ADCY10: variants seen among roughly 807,000 people sequenced by gnomAD.
The protein encoded by ADCY10 is adenylate cyclase type 10.
In ADCY10, 156 loss-of-function variants were observed where a neutral mutation model predicts 183.3. That is an observed-to-expected ratio of 0.85 (90% CI 0.75 to 0.97). ADCY10 has a LOEUF of 0.97. ADCY10 is among the 50% of genes least tolerant of loss of function. ADCY10 has a pLI of 0.00. For synonymous variants in ADCY10, 645 were observed against 670.0 expected, an observed-to-expected ratio of 0.96 and a Z score of 0.58; for missense variants, 1,745 against 1,934.3, an observed-to-expected ratio of 0.90 and a Z score of 1.84.
At chr1:167,846,310 T>C in intron 19 of ADCY10, 47 bp from the exon 20 acceptor site, 1 of 1,606,718 alleles carries the variant, frequency 6.2e-7, no homozygotes. Context: ...TTTATCTTTA[T>C]CTAATATGCT....
At chr1:167,900,313 A>G (rs1669309204) in intron 5 of ADCY10, among the ~76,000 whole-genome samples, 1 of 152,104 alleles carries the variant, frequency 6.6e-6, no homozygotes, top group African/African-American at 2.4e-5. Flanking sequence ...CTGATTCTAC[A>G]TACAGTTTGT....
At chr1:167,820,536 G>C (rs1409651912) in intron 30 of ADCY10, 1 of 350,910 alleles carries the variant, frequency 2.8e-6, no homozygotes, top group Non-Finnish European at 5.1e-6. Context: ...CTGGACTTTA[G>C]ATTCCTTAAC....
intron 18 of ADCY10, among the ~76,000 whole-genome samples, chr1:167,849,273 A>C (rs770312882): frequency 6.6e-6 from 1 of 152,212 alleles, no homozygotes; most frequent in African/African-American, 2.4e-5. Context: ...ACTATCAGAG[A>C]TATTTTAAAT....
In ADCY10 at chr1:167,833,077, T is replaced by C. The variant is rs775133838; in HGVS notation, c.3503A>G (p.Asn1168Ser). 79 of 1,613,940 alleles carry C rather than the reference T, an allele frequency of 4.9e-5. No individual in the cohort carries two copies. Among genetic ancestry groups the C allele is most frequent in the Middle Eastern group, 3.3e-4 (2 of 6,084 alleles). ...LKLLNRIFPYNLISLFLHIHV... is the reference protein window; with the variant it reads ...LKLLNRIFPYSLISLFLHIHV... Reference sequence around the variant, plus strand: ...GATATGGAGAAACAAGGAGATTAAGTTGTAAGGAAAGATTCGGTTGAGGAG... The same window carrying C: ...GATATGGAGAAACAAGGAGATTAAGCTGTAAGGAAAGATTCGGTTGAGGAG... The change falls in exon 25 of 33, where the codon AAC becomes AGC. Residue 1168 changes from asparagine (N) to serine (S), a missense_variant. Physicochemically the swap from Asn to Ser is conservative, Grantham distance 46 (BLOSUM62 1). Coordinates refer to ENST00000367851, the MANE Select transcript of ADCY10 (RefSeq NM_018417.6).
chr1:167,873,189 T>C (rs1178198684), intron 13 of ADCY10, among the ~76,000 whole-genome samples: 1 of 152,028 alleles, frequency 6.6e-6, no homozygotes, highest in Non-Finnish European at 1.5e-5. Context: ...AATAAGTATA[T>C]CCTAGGATGA....
chr1:167,910,904 AT>A (rs1407417835), intron 1 of ADCY10, among the ~76,000 whole-genome samples: 6 of 152,228 alleles, frequency 3.9e-5, no homozygotes, highest in South Asian at 2.1e-4. Flanking sequence ...TTAAATCTGA[AT>A]TTTAAATAAA....
At position 167,911,600 on chromosome 1, in the gene ADCY10, A is replaced by G. The variant is rs561490066; in HGVS notation, c.-59+2376T>C. The stretch of plus-strand genomic sequence containing the variant: ...AGAATGTGAGGTCCTGTTCCGGCCA[A>G]TGGGCAGTAGGGTGAACGTGTCAGG... On this transcript the variant is annotated intron_variant, in intron 1 of 32. Transcript: ENST00000367851. 4.6e-5 allele frequency among the ~76,000 whole-genome samples: 7 copies of G among 152,352 alleles called. No individual in the cohort carries two copies. In the South Asian group the frequency reaches 1.2e-3, roughly 27 times the overall value.
intron 14 of ADCY10, among the ~76,000 whole-genome samples, chr1:167,868,194 T>C (rs203813): frequency 0.095 from 14,448 of 152,180 alleles, 1,724 homozygotes; most frequent in East Asian, 0.27. Flanking sequence ...GCCGAGCATG[T>C]AGCCCAGTCT....
At position 167,846,026 on chromosome 1, in the gene ADCY10, A is replaced by G; in HGVS notation, c.2675T>C (p.Val892Ala). Reference sequence around the variant, plus strand: ...CTTCAGAGACAAGGAACGATAGTGCACCTCAAATGAGGGATCATTCTGTTT... The same window carrying G: ...CTTCAGAGACAAGGAACGATAGTGCGCCTCAAATGAGGGATCATTCTGTTT... Reference protein sequence around the residue: ...ALKQNDPSFEVHYRSLSLKPS... With the variant: ...ALKQNDPSFEAHYRSLSLKPS... Residue 892 changes from valine to alanine, a missense_variant, in exon 20 of 33, where the codon GTG (valine) becomes GCG (alanine). Transcript: ENST00000367851. The G allele has an allele frequency of 1.2e-6, 2 of 1,614,184 alleles. No homozygotes were observed. The highest frequency in any genetic ancestry group is 1.7e-6 in the Non-Finnish European group (2 of 1,180,032).
intron 5 of ADCY10, among the ~76,000 whole-genome samples, chr1:167,901,116 G>A (rs890902348): frequency 6.6e-6 from 1 of 152,156 alleles, no homozygotes; most frequent in South Asian, 2.1e-4. Flanking sequence ...CGTGCATAGT[G>A]TGTAATGTCT....
At chr1:167,847,146 C>T (rs1243680734) in intron 19 of ADCY10, among the ~76,000 whole-genome samples, 1 of 151,630 alleles carries the variant, frequency 6.6e-6, no homozygotes, top group Non-Finnish European at 1.5e-5. Context: ...AGGCTGGTCT[C>T]GAACTCCTGA....
At chr1:167,810,936 A>G (rs1369851393) in intron 31 of ADCY10, 23 bp from the exon 32 acceptor site, 1 of 1,611,834 alleles carries the variant, frequency 6.2e-7, no homozygotes, top group South Asian at 1.1e-5. Flanking sequence ...AACCCACAAC[A>G]GTATATTAGA....
At chr1:167,831,261 C>T (rs1663710073) in intron 25 of ADCY10, among the ~76,000 whole-genome samples, 1 of 152,044 alleles carries the variant, frequency 6.6e-6, no homozygotes, top group South Asian at 2.1e-4. Flanking sequence ...GCGATCTTGG[C>T]TCACTTTAAC....
chr1:167,883,180 G>T (rs1667988083), intron 9 of ADCY10, among the ~76,000 whole-genome samples: 1 of 152,208 alleles, frequency 6.6e-6, no homozygotes. Flanking sequence ...TGAGATTACA[G>T]GCACGTGCCA....
At chr1:167,841,136 T>A (rs1057052040) in intron 21 of ADCY10, among the ~76,000 whole-genome samples, 1 of 151,824 alleles carries the variant, frequency 6.6e-6, no homozygotes, top group Non-Finnish European at 1.5e-5. Context: ...AGAGGGAGAG[T>A]TCATCATGCT....
At position 167,854,387 on chromosome 1, in the gene ADCY10, C is replaced by T. The variant is rs1444239903; in HGVS notation, c.2274G>A (p.Glu758=). 1.2e-6 allele frequency: 2 copies of T among 1,614,172 alleles called. No individual in the cohort carries two copies. Among genetic ancestry groups the T allele is most frequent in the South Asian group, 2.2e-5 (2 of 91,078 alleles). The change falls in exon 18 of 33, where the codon GAG becomes GAA. Residue 758 remains glutamate (E), a synonymous_variant. Coordinates refer to ENST00000367851, the MANE Select transcript of ADCY10 (RefSeq NM_018417.6). ...TATTCCAGGTCCTATTTGTCTTTTC[C>T]TCAGACTCCGTTTGTTGGAAAACGA... ...EVLVFQQTES[E]EKTNRTWNNL... is the part of the protein sequence containing the mutation.
At chr1:167,843,250 G>A (rs924885149) in intron 21 of ADCY10, among the ~76,000 whole-genome samples, 1 of 152,178 alleles carries the variant, frequency 6.6e-6, no homozygotes, top group Non-Finnish European at 1.5e-5. Context: ...TGCTCAAACT[G>A]ACCTATATTC....
At chr1:167,891,191 A>C (rs1438133812) in intron 8 of ADCY10, among the ~76,000 whole-genome samples, 1 of 151,664 alleles carries the variant, frequency 6.6e-6, no homozygotes, top group East Asian at 2.0e-4. Flanking sequence ...TGAACTCCTG[A>C]CCTGGTGATC....
intron 8 of ADCY10, among the ~76,000 whole-genome samples, chr1:167,886,786 A>G (rs1214859974): frequency 2.6e-5 from 4 of 152,256 alleles, no homozygotes; most frequent in Non-Finnish European, 1.5e-5. Context: ...AATTTTTACA[A>G]TCTACCCATC....
Sources: allele counts gnomAD v4.1 joint callset (sites outside exome capture counted in the v4.1 genomes callset), GRCh38; gene constraint gnomAD v4.1.1; transcripts MANE v1.5; gene names NCBI Gene and HGNC (gene_info 2026-07-23, HGNC 2026-07-21).